Variants in GTF2IRD1 observed in about 807,000 individuals in gnomAD.
GTF2IRD1 encodes general transcription factor II-I repeat domain-containing protein 1.
Under a neutral mutation model 113.2 loss-of-function variants are expected in GTF2IRD1, and 26 were observed. That is an observed-to-expected ratio of 0.23 (90% CI 0.17 to 0.32). The LOEUF (loss-of-function observed/expected upper bound fraction) is 0.32. Among genes scored for constraint, GTF2IRD1 ranks in the 10% least tolerant of loss-of-function variants. The probability of loss-of-function intolerance (pLI) is 1.00; values close to 1 mark genes in which losing one functional copy is unlikely to be tolerated. For synonymous variants in GTF2IRD1, 484 were observed against 529.1 expected, an observed-to-expected ratio of 0.91 and a Z score of 1.17; for missense variants, 864 against 1,280.8, an observed-to-expected ratio of 0.67 and a Z score of 4.97.
chr7:74,491,356 AGT>A (rs1195889103), intron 1 of GTF2IRD1, among the ~76,000 whole-genome samples: 2 of 146,040 alleles, frequency 1.4e-5, no homozygotes, highest in African/African-American at 5.1e-5. Context: ...CTTGGGTACA[AGT>A]GTGCAGGTTT....
intron 22 of GTF2IRD1, among the ~76,000 whole-genome samples, chr7:74,588,170 C>T (rs1801836622): frequency 6.8e-6 from 1 of 147,784 alleles, no homozygotes; most frequent in Non-Finnish European, 1.5e-5. Flanking sequence ...TGCAGTGGCG[C>T]GATCTCAGCT....
At chr7:74,543,892 A>C (rs1489273152) in intron 14 of GTF2IRD1, among the ~76,000 whole-genome samples, 1 of 151,244 alleles carries the variant, frequency 6.6e-6, no homozygotes, top group Non-Finnish European at 1.5e-5. Context: ...AAAAAAAAAA[A>C]AAAACAATTA....
intron 15 of GTF2IRD1, 107 bp from the exon 16 acceptor site, chr7:74,545,637 C>T: frequency 1.2e-6 from 1 of 821,234 alleles, no homozygotes; most frequent in Non-Finnish European, 2.1e-6. Context: ...CAGCCTTCCC[C>T]CATTCCAAGA....
intron 1 of GTF2IRD1, among the ~76,000 whole-genome samples, chr7:74,484,502 A>C (rs1584494468): frequency 7.6e-6 from 1 of 130,930 alleles, no homozygotes; most frequent in Non-Finnish European, 1.6e-5. Context: ...TCACCCACCC[A>C]GGCTGGAGCG....
intron 1 of GTF2IRD1, among the ~76,000 whole-genome samples, chr7:74,494,391 C>T (rs1795537894): frequency 1.3e-5 from 2 of 152,240 alleles, no homozygotes; most frequent in Admixed American, 6.5e-5. Flanking sequence ...CCCTCCAGCA[C>T]GGTGGCCTCA....
chr7:74,537,907 G>A (rs1385336354), intron 11 of GTF2IRD1, among the ~76,000 whole-genome samples: 1 of 152,258 alleles, frequency 6.6e-6, no homozygotes, highest in Non-Finnish European at 1.5e-5. Context: ...GTGAGCAGGT[G>A]CCTGGCTCGG....
chr7:74,577,678 C>A (rs1468544622), intron 22 of GTF2IRD1, among the ~76,000 whole-genome samples: 1 of 149,840 alleles, frequency 6.7e-6, no homozygotes, highest in Non-Finnish European at 1.5e-5. Flanking sequence ...TTTTTAAAGA[C>A]AGTCTCCCTC....
chr7:74,507,966 A>G (rs1796390151), intron 1 of GTF2IRD1, 109 bp from the exon 2 acceptor site: 2 of 1,251,058 alleles, frequency 1.6e-6, no homozygotes, highest in Admixed American at 2.4e-5. Context: ...CCCTGGATAC[A>G]GAGGCGGTCT....
chr7:74,488,524 A>G (rs1795146642), intron 1 of GTF2IRD1, among the ~76,000 whole-genome samples: 1 of 152,054 alleles, frequency 6.6e-6, no homozygotes, highest in Non-Finnish European at 1.5e-5. Flanking sequence ...TTGGGAGGCC[A>G]AGGCAGGAGG....
intron 25 of GTF2IRD1, among the ~76,000 whole-genome samples, chr7:74,598,855 C>T (rs1554373141): frequency 6.6e-6 from 1 of 152,184 alleles, no homozygotes; most frequent in Admixed American, 6.6e-5. Context: ...CCCTCTGACT[C>T]ATAGCCTGGG....
intron 22 of GTF2IRD1, among the ~76,000 whole-genome samples, chr7:74,563,038 G>A (rs1800075766): frequency 1.3e-5 from 2 of 152,110 alleles, no homozygotes; most frequent in Non-Finnish European, 2.9e-5. Context: ...GTCCATTTTG[G>A]ATCATCATTT....
chr7:74,593,394 G>C (rs1328765323), intron 24 of GTF2IRD1, among the ~76,000 whole-genome samples: 1 of 99,452 alleles, frequency 1.0e-5, no homozygotes, highest in Admixed American at 1.5e-4. Flanking sequence ...TGACCAATAT[G>C]GTGAAACCTC....
Position 74,538,707 on chromosome 7 carries a change from G to A in GTF2IRD1, c.1475G>A (p.Arg492Lys), listed in dbSNP as rs1798452231. ...PGTSGELGGL[R>K]PIKIEPEDLD... ...ACCTCCGGGGAGCTGGGCGGGCTGA[G>A]GCCGATCAAAATTGAGCCAGAGGAT... The change falls in exon 13 of 27, where the codon AGG becomes AAG. Residue 492 changes from arginine to lysine, a missense_variant. Coordinates refer to ENST00000424337, the MANE Select transcript of GTF2IRD1 (RefSeq NM_005685.4). 2 of 1,608,654 alleles carry A rather than the reference G, an allele frequency of 1.2e-6. No individual in the cohort carries two copies.
In GTF2IRD1 at chr7:74,519,681, C is replaced by T; in HGVS notation, c.878C>T (p.Pro293Leu). The part of the protein sequence containing the change: ...DLGLSRPMPE[P>L]KATGAQDFSD... ...GGCCTGAGTCGGCCCATGCCAGAGC[C>T]CAAGGCCACCGGTGCCCAAGACTTC... Residue 293 changes from proline to leucine, a missense_variant, in exon 6 of 27, where the codon CCC becomes CTC. Transcript: ENST00000424337. 6.3e-7 allele frequency: 1 copy of T among 1,592,942 alleles called. No individual in the cohort carries two copies. Among genetic ancestry groups the T allele is most frequent in the South Asian group, 1.1e-5 (1 of 88,556 alleles).
At chr7:74,482,795 G>A (rs1210644476) in intron 1 of GTF2IRD1, among the ~76,000 whole-genome samples, 1 of 152,064 alleles carries the variant, frequency 6.6e-6, no homozygotes, top group Non-Finnish European at 1.5e-5. Flanking sequence ...CATCATCCTT[G>A]CGAGATTCCA....
chr7:74,529,986 G>A (rs1049664681), intron 9 of GTF2IRD1, 69 bp downstream of exon 9: 54 of 1,199,676 alleles, frequency 4.5e-5, no homozygotes, highest in Admixed American at 1.9e-5. Flanking sequence ...AAGGCAGGCA[G>A]ATCGCTTGAG....
intron 7 of GTF2IRD1, 129 bp from the exon 8 acceptor site, chr7:74,523,942 G>A: frequency 2.9e-6 from 2 of 679,318 alleles, no homozygotes; most frequent in Non-Finnish European, 5.4e-6. Flanking sequence ...GGTGGGAGAG[G>A]GTGGAAGGAC....
At chr7:74,557,591 G>C in intron 19 of GTF2IRD1, 48 bp from the exon 20 acceptor site, 1 of 1,288,490 alleles carries the variant, frequency 7.8e-7, no homozygotes, top group South Asian at 1.2e-5. Flanking sequence ...GTCACCAAGT[G>C]CTTTTTCACT....
In GTF2IRD1 at chr7:74,508,137, C is replaced by G. The variant is rs970979865; in HGVS notation, c.57C>G (p.Arg19=). 1.2e-6 allele frequency: 2 copies of G among 1,612,170 alleles called. No individual in the cohort carries two copies. The highest frequency in any genetic ancestry group is 1.7e-6 in the Non-Finnish European group (2 of 1,179,984). ...CCACCAACGGCTGCGGACCCGACCGCTGGAACTCCGCGTTCACCCGCAAAG... is the reference window on the plus strand; with the variant it reads ...CCACCAACGGCTGCGGACCCGACCGGTGGAACTCCGCGTTCACCCGCAAAG... ...DVPTNGCGPD[R]WNSAFTRKDE... is the part of the protein sequence containing the mutation. Residue 19 remains arginine, a synonymous_variant, in exon 2 of 27, where the codon CGC becomes CGG. Coordinates refer to ENST00000424337, the MANE Select transcript of GTF2IRD1 (RefSeq NM_005685.4).
Sources: allele counts gnomAD v4.1 joint callset (sites outside exome capture counted in the v4.1 genomes callset), GRCh38; gene constraint gnomAD v4.1.1; transcripts MANE v1.5; gene names NCBI Gene and HGNC (gene_info 2026-07-23, HGNC 2026-07-21).